NKAIN3: variants seen among roughly 807,000 people sequenced by gnomAD.
The protein encoded by NKAIN3 is sodium/potassium transporting ATPase interacting 3, also known as sodium/potassium-transporting ATPase subunit beta-1-interacting protein 3.
Under a neutral mutation model 30.2 loss-of-function variants are expected in NKAIN3, and 25 were observed. The ratio of observed to expected loss-of-function variants is 0.83; its 90% CI spans 0.60 to 1.16. The LOEUF is 1.16. NKAIN3 is among the 50% of genes most tolerant of loss of function. The pLI is 0.00. For synonymous variants in NKAIN3, 91 were observed against 89.6 expected, an observed-to-expected ratio of 1.02 and a Z score of -0.09; for missense variants, 225 against 254.1, an observed-to-expected ratio of 0.89 and a Z score of 0.78.
At chr8:62,452,834 A>G (rs1428438231) in intron 1 of NKAIN3, among the ~76,000 whole-genome samples, 1 of 152,154 alleles carries the variant, frequency 6.6e-6, no homozygotes, top group Non-Finnish European at 1.5e-5. Flanking sequence ...TTCTTATGCC[A>G]AGTGGGGTAC....
chr8:62,696,202 A>G lies in NKAIN3; in HGVS notation c.274-50730A>G, dbSNP rs952317676. Among the ~76,000 whole-genome samples, 21 of 152,188 alleles carry G rather than the reference A, an allele frequency of 1.4e-4. 1 individual carries two copies. Among genetic ancestry groups the G allele is most frequent in the Admixed American group, 1.0e-3 (16 of 15,276 alleles). On this transcript the variant is annotated intron_variant, in intron 3 of 6. Transcript: ENST00000623646. ...TTTTTCAAGGGAATCCATGTTAACA[A>G]TACTGAACTGTTCTGTTAAACTTTT... is the stretch of plus-strand genomic sequence containing the variant.
chr8:62,627,508 A>G (rs1016377637), intron 3 of NKAIN3, among the ~76,000 whole-genome samples: 4 of 152,026 alleles, frequency 2.6e-5, no homozygotes, highest in Non-Finnish European at 1.5e-5. Context: ...GGTACTCTGG[A>G]GCTGGGATGG....
intron 4 of NKAIN3, among the ~76,000 whole-genome samples, chr8:62,805,980 A>C (rs1818266211): frequency 6.6e-6 from 1 of 152,232 alleles, no homozygotes; most frequent in Non-Finnish European, 1.5e-5. Flanking sequence ...ACCCCATCGA[A>C]AAGTGGGTGA....
chr8:62,605,250 C>T (rs1380510001), intron 3 of NKAIN3, among the ~76,000 whole-genome samples: 1 of 151,942 alleles, frequency 6.6e-6, no homozygotes, highest in African/African-American at 2.4e-5. Context: ...CTAATGTGAC[C>T]TTGAGGATGT....
intron 4 of NKAIN3, among the ~76,000 whole-genome samples, chr8:62,892,445 T>G (rs1193028204): frequency 6.6e-6 from 1 of 152,230 alleles, no homozygotes; most frequent in East Asian, 1.9e-4. Context: ...TGTTTCTGAA[T>G]CTAATGAAGT....
At chr8:62,761,735 A>G (rs556788721) in intron 4 of NKAIN3, among the ~76,000 whole-genome samples, 2 of 152,184 alleles carry the variant, frequency 1.3e-5, no homozygotes, top group Non-Finnish European at 2.9e-5. Flanking sequence ...TATTGTCAGA[A>G]GCAGCTCTTC....
At chr8:62,262,981 C>T (rs570663106) in intron 1 of NKAIN3, among the ~76,000 whole-genome samples, 1 of 152,146 alleles carries the variant, frequency 6.6e-6, no homozygotes, top group Non-Finnish European at 1.5e-5. Context: ...CAAAGTGAAG[C>T]ATATTAATTG....
intron 3 of NKAIN3, among the ~76,000 whole-genome samples, chr8:62,737,598 G>T (rs200697663): frequency 6.6e-6 from 1 of 152,146 alleles, no homozygotes; most frequent in East Asian, 1.9e-4. Context: ...TCAAGAAAAT[G>T]CTTCAGGATC....
At chr8:62,492,228 G>A (rs912712345) in intron 1 of NKAIN3, among the ~76,000 whole-genome samples, 5 of 152,134 alleles carry the variant, frequency 3.3e-5, no homozygotes, top group Non-Finnish European at 7.4e-5. Flanking sequence ...TGTTCAATGG[G>A]AAATATGGCA....
chr8:62,336,619 A>G (rs537807165), intron 1 of NKAIN3, among the ~76,000 whole-genome samples: 3 of 151,918 alleles, frequency 2.0e-5, no homozygotes, highest in South Asian at 4.2e-4. Context: ...GTACAGCAAC[A>G]CCACACCCCC....
At position 62,560,531 on chromosome 8, in the gene NKAIN3, C is replaced by CTTTTTTTTTTTT. The variant is rs869256384; in HGVS notation, c.55-18994_55-18983dup. ...CAGTTCACTGAATCTTTTTTCTTTT[C>CTTTTTTTTTTTT]TTTTTTTTTTTTTTTTTTTTTTTTT... On this transcript the variant is annotated intron_variant, in intron 1 of 6. Coordinates refer to ENST00000623646, the MANE Select transcript of NKAIN3 (RefSeq NM_001304533.3). 3.2e-3 allele frequency among the ~76,000 whole-genome samples: 144 copies of CTTTTTTTTTTTT among 45,378 alleles called. 1 individual carries two copies. The highest frequency in any genetic ancestry group is 5.2e-3 in the East Asian group (7 of 1,356). 29.8% of individuals were successfully genotyped at this position (45,378 alleles called of 152,430 possible).
At chr8:62,464,604 G>T (rs1806097344) in intron 1 of NKAIN3, among the ~76,000 whole-genome samples, 1 of 152,186 alleles carries the variant, frequency 6.6e-6, no homozygotes, top group South Asian at 2.1e-4. Context: ...GATAGTAACA[G>T]ATATATCCTA....
At position 62,956,999 on chromosome 8, in the gene NKAIN3, T is replaced by A. The variant is rs946107296; in HGVS notation, c.603+3027T>A. 3.9e-5 allele frequency among the ~76,000 whole-genome samples: 6 copies of A among 152,376 alleles called. No individual in the cohort carries two copies. The East Asian group carries it at 1.2e-3, about 29-fold the overall frequency. ...AAAAGCAGAATAAATATAACTATAT[T>A]GGAAGATACTTTGGCAGTTTCTTAC... is the stretch of plus-strand genomic sequence containing the variant. On this transcript the variant is annotated intron_variant, in intron 6 of 6. Transcript: ENST00000623646.
chr8:62,454,301 C>CAAAAAAAAAAAAAAAAAAAAAA (rs201511724), intron 1 of NKAIN3, among the ~76,000 whole-genome samples: 1,272 of 55,884 alleles, frequency 0.023, 149 homozygotes, highest in Middle Eastern at 0.032. Flanking sequence ...AGCTGATGTG[C>CAAAAAAAAAAAAAAAAAAAAAA]AAAAAAAAAA....
intron 3 of NKAIN3, among the ~76,000 whole-genome samples, chr8:62,689,800 C>T (rs79825420): frequency 1.3e-5 from 2 of 152,020 alleles, no homozygotes; most frequent in African/African-American, 4.8e-5. Context: ...ATTCAATCAT[C>T]GAGTCAGATG....
At chr8:62,500,345 G>A (rs545250587) in intron 1 of NKAIN3, among the ~76,000 whole-genome samples, 1 of 149,010 alleles carries the variant, frequency 6.7e-6, no homozygotes, top group African/African-American at 2.5e-5. Context: ...CCATTACCAA[G>A]GAAAAACACT....
intron 1 of NKAIN3, among the ~76,000 whole-genome samples, chr8:62,345,462 T>C (rs574094028): frequency 1.0e-3 from 26 of 25,568 alleles, no homozygotes; most frequent in Admixed American, 2.0e-3. Context: ...TATGTATATA[T>C]ACACATATAT....
rs1818657811 is a variant in NKAIN3 at position 62,815,787 on chromosome 8, T to C, written c.471+68658T>C. On this transcript the variant is annotated intron_variant, in intron 4 of 6. Coordinates refer to ENST00000623646, the MANE Select transcript of NKAIN3 (RefSeq NM_001304533.3). ...CATACTGAATGGATAAATTCATAAA[T>C]TCTTTATCCTGCTTGATCTAGTCTA... Among the ~76,000 whole-genome samples the C allele has an allele frequency of 2.0e-5, 3 of 152,078 alleles. No homozygotes were observed. In the South Asian group the frequency reaches 6.2e-4, roughly 32 times the overall value.
intron 1 of NKAIN3, among the ~76,000 whole-genome samples, chr8:62,463,340 T>C (rs1449647422): frequency 1.3e-5 from 2 of 152,226 alleles, no homozygotes; most frequent in Non-Finnish European, 2.9e-5. Flanking sequence ...TGAAAATCTA[T>C]TCAATTCACC....
Sources: gnomAD v4.1 joint callset for allele counts (sites outside exome capture counted in the v4.1 genomes callset) on GRCh38, gnomAD v4.1.1 for gene constraint, MANE v1.5 for transcripts, NCBI Gene and HGNC (gene_info 2026-07-23, HGNC 2026-07-21) for gene names.